GRIK2: variants seen among roughly 807,000 people sequenced by gnomAD.
GRIK2 encodes glutamate receptor ionotropic, kainate 2.
Under a neutral mutation model 100.3 loss-of-function variants are expected in GRIK2, and 32 were observed. The ratio of observed to expected loss-of-function variants is 0.32; its 90% CI spans 0.24 to 0.43. GRIK2 has a LOEUF of 0.43. Among genes scored for constraint, GRIK2 ranks in the 20% least tolerant of loss-of-function variants. The probability of loss-of-function intolerance (pLI) is 1.00; values close to 1 mark genes in which losing one functional copy is unlikely to be tolerated. For synonymous variants in GRIK2, 417 were observed against 389.4 expected (o/e 1.07, Z -0.83); for missense variants, 843 against 1,114.9 (o/e 0.76, Z 3.47).
At chr6:101,981,456 T>C (rs1793709607) in intron 14 of GRIK2, among the ~76,000 whole-genome samples, 1 of 151,854 alleles carries the variant, frequency 6.6e-6, no homozygotes. Flanking sequence ...AAAGATCAAC[T>C]GAGCATCCTC....
chr6:101,567,305 T>C (rs1777323329), intron 2 of GRIK2, among the ~76,000 whole-genome samples: 3 of 152,068 alleles, frequency 2.0e-5, no homozygotes, highest in South Asian at 2.1e-4. Context: ...ATTGTAGTAC[T>C]TTCTAAATCA....
chr6:101,604,789 T>C (rs907501284), intron 2 of GRIK2, among the ~76,000 whole-genome samples: 1 of 151,966 alleles, frequency 6.6e-6, no homozygotes, highest in African/African-American at 2.4e-5. Flanking sequence ...ATATGATATC[T>C]TATTTTCTTC....
intron 12 of GRIK2, among the ~76,000 whole-genome samples, chr6:101,922,317 A>G (rs946560277): frequency 5.9e-5 from 9 of 152,094 alleles, no homozygotes; most frequent in South Asian, 2.1e-4. Flanking sequence ...ACATCTATAT[A>G]ATACTTCAGG....
chr6:101,400,988 G>A (rs763664678), intron 2 of GRIK2, among the ~76,000 whole-genome samples: 1 of 152,164 alleles, frequency 6.6e-6, no homozygotes, highest in South Asian at 2.1e-4. Context: ...GTGTGTGTAC[G>A]CACACGCGTG....
intron 4 of GRIK2, among the ~76,000 whole-genome samples, chr6:101,659,948 T>A (rs1456284368): frequency 6.6e-6 from 1 of 152,114 alleles, no homozygotes; most frequent in Non-Finnish European, 1.5e-5. Context: ...ATTATGTGTC[T>A]TTGGGGTTGC....
At chr6:101,532,108 C>T (rs1366626464) in intron 2 of GRIK2, among the ~76,000 whole-genome samples, 2 of 151,776 alleles carry the variant, frequency 1.3e-5, no homozygotes, top group Non-Finnish European at 2.9e-5. Context: ...GGTGGGGTGC[C>T]GTTTGTGTTT....
At chr6:101,626,264 A>T (rs1023711590) in intron 3 of GRIK2, 116 bp from the exon 4 acceptor site, 12 of 979,328 alleles carry the variant, frequency 1.2e-5, no homozygotes, top group Admixed American at 4.8e-5. Context: ...TATATTTTTT[A>T]AAAACACAAA....
chr6:101,530,483 G>A (rs571643278), intron 2 of GRIK2, among the ~76,000 whole-genome samples: 194 of 151,968 alleles, frequency 1.3e-3, no homozygotes, highest in Middle Eastern at 6.8e-3. Flanking sequence ...ATGTATTCAC[G>A]AAAATAATCT....
rs1376723314 is a variant in GRIK2 at position 101,955,617 on chromosome 6, C to CTCTCTCTCTCTCTCTCTCTCTCTCT, written c.2085+26985_2085+26986insTCTCTCTCTCTCTCTCTCTCTCTCT. On this transcript the variant is annotated intron_variant, in intron 14 of 16. Coordinates refer to ENST00000369134, the MANE Select transcript of GRIK2 (RefSeq NM_021956.5). ...CTCTCTCTCTCTCTCTCTCTCTCTC[C>CTCTCTCTCTCTCTCTCTCTCTCTCT]CCCCCATTTCTTTTACAGTCAGATT... Among the ~76,000 whole-genome samples, 111 of 116,406 alleles carry CTCTCTCTCTCTCTCTCTCTCTCTCT rather than the reference C, an allele frequency of 9.5e-4. 5 individuals are homozygous for CTCTCTCTCTCTCTCTCTCTCTCTCT. Among genetic ancestry groups the CTCTCTCTCTCTCTCTCTCTCTCTCT allele is most frequent in the Middle Eastern group, 4.8e-3 (1 of 208 alleles). 76.4% of individuals were successfully genotyped at this position (116,406 alleles called of 152,430 possible). A position where few individuals can be genotyped will look rare whatever the true frequency, so the allele number is the denominator to read the frequency against.
intron 14 of GRIK2, among the ~76,000 whole-genome samples, chr6:102,019,274 C>T (rs1769299332): frequency 6.6e-6 from 1 of 152,014 alleles, no homozygotes; most frequent in South Asian, 2.1e-4. Flanking sequence ...CAGGAAAATC[C>T]TCATAGCAAA....
intron 14 of GRIK2, among the ~76,000 whole-genome samples, chr6:102,029,588 A>G (rs1044191412): frequency 1.3e-5 from 2 of 151,252 alleles, no homozygotes; most frequent in Admixed American, 1.3e-4. Flanking sequence ...TTTATTAAAA[A>G]TAAATCTAGC....
rs112314330 is a variant in GRIK2, at chr6:101,794,180, C to T, written c.952-5468C>T. Among the ~76,000 whole-genome samples, 1,171 of 152,262 alleles carry T rather than the reference C, an allele frequency of 7.7e-3. 6 individuals carry two copies. The highest frequency in any genetic ancestry group is 9.8e-3 in the Non-Finnish European group (664 of 68,014). On this transcript the variant is annotated intron_variant, in intron 7 of 16. Transcript: ENST00000369134. ...GCGCTTCCTGAGTGAGGCAATGCCT[C>T]GCCCTGCTTCGGCTCGCGCACAGTG...
At chr6:101,773,340 C>G (rs1247544430) in intron 7 of GRIK2, among the ~76,000 whole-genome samples, 2 of 151,810 alleles carry the variant, frequency 1.3e-5, no homozygotes, top group African/African-American at 4.8e-5. Context: ...ATTAGCCAGG[C>G]AAGGTGGCAC....
intron 2 of GRIK2, among the ~76,000 whole-genome samples, chr6:101,511,685 AAGT>A (rs1258018327): frequency 2.0e-5 from 3 of 152,070 alleles, no homozygotes; most frequent in Non-Finnish European, 4.4e-5. Flanking sequence ...GGCTAAGATC[AAGT>A]GAAAATGGTA....
chr6:101,857,663 C>T (rs1354942153), intron 10 of GRIK2, among the ~76,000 whole-genome samples: 1 of 152,160 alleles, frequency 6.6e-6, no homozygotes, highest in African/African-American at 2.4e-5. Context: ...GGGCTTTGCC[C>T]ATAAGCAAAT....
At chr6:101,432,950 C>T (rs9498589) in intron 2 of GRIK2, among the ~76,000 whole-genome samples, 6,772 of 151,982 alleles carry the variant, frequency 0.045, 312 homozygotes, top group African/African-American at 0.1. Flanking sequence ...TCTGTAATTT[C>T]AAGGAGGAGG....
At chr6:101,610,160 G>A (rs541897684) in intron 2 of GRIK2, among the ~76,000 whole-genome samples, 89 of 151,286 alleles carry the variant, frequency 5.9e-4, no homozygotes, top group South Asian at 2.3e-3. Context: ...CCACCTAAGA[G>A]CATTAAAATA....
chr6:101,990,071 A>G (rs1794273118), intron 14 of GRIK2, among the ~76,000 whole-genome samples: 1 of 151,586 alleles, frequency 6.6e-6, no homozygotes, highest in Non-Finnish European at 1.5e-5. Context: ...TGAATATTAC[A>G]TTGAGTAATT....
intron 2 of GRIK2, among the ~76,000 whole-genome samples, chr6:101,466,476 C>T (rs1771650805): frequency 6.6e-6 from 1 of 151,636 alleles, no homozygotes; most frequent in Non-Finnish European, 1.5e-5. Flanking sequence ...ATTTACTTCA[C>T]AATTAGTAGT....
Sources: allele counts gnomAD v4.1 joint callset (sites outside exome capture counted in the v4.1 genomes callset), GRCh38; gene constraint gnomAD v4.1.1; transcripts MANE v1.5; gene names NCBI Gene and HGNC (gene_info 2026-07-23, HGNC 2026-07-21).